SGMS2: variants seen among roughly 807,000 people sequenced by gnomAD.
SGMS2 encodes the protein phosphatidylcholine:ceramide cholinephosphotransferase 2.
Under a neutral mutation model 43.8 loss-of-function variants are expected in SGMS2, and 21 were observed. That is an observed-to-expected ratio of 0.48 (90% CI 0.34 to 0.69). The LOEUF is 0.69. SGMS2 is among the 30% of genes least tolerant of loss of function. The probability of loss-of-function intolerance (pLI) is 0.01; values close to 1 mark genes in which losing one functional copy is unlikely to be tolerated. For missense variants in SGMS2, 384 were observed against 443.2 expected, an observed-to-expected ratio of 0.87 and a Z score of 1.20; for synonymous variants, 167 against 160.6, an observed-to-expected ratio of 1.04 and a Z score of -0.30.
chr4:107,836,793 C>T (rs151001187), intron 1 of SGMS2, among the ~76,000 whole-genome samples: 1,847 of 152,082 alleles, frequency 0.012, 23 homozygotes, highest in Non-Finnish European at 0.02. Context: ...AAATATTTGG[C>T]GGCCGGAACA....
intron 3 of SGMS2, among the ~76,000 whole-genome samples, chr4:107,899,248 G>A (rs2126130516): frequency 6.6e-6 from 1 of 152,292 alleles, no homozygotes; most frequent in South Asian, 2.1e-4. Flanking sequence ...CTGGCAAAGA[G>A]TGCTTTTGAG....
Position 107,911,015 on chromosome 4 carries a change from G to C in SGMS2, c.*462G>C, listed in dbSNP as rs1032743058. The C allele has an allele frequency of 6.3e-6, 1 of 157,862 alleles. No homozygotes were observed. Among genetic ancestry groups the C allele is most frequent in the African/African-American group, 2.4e-5 (1 of 41,438 alleles). The allele number at this position is 157,862 out of a possible 1,614,324, so 9.8% of individuals were successfully genotyped here. A position where few individuals can be genotyped will look rare whatever the true frequency, so the allele number is the denominator to read the frequency against. ...GGTTTTTAGCATTAGGTTTAGCAAGGGGGAGATCCGTGGGTTGTGCGTCAG... is the reference window on the plus strand; with the variant it reads ...GGTTTTTAGCATTAGGTTTAGCAAGCGGGAGATCCGTGGGTTGTGCGTCAG... On this transcript the variant is annotated 3_prime_UTR_variant, in exon 7 of 7. Transcript: ENST00000690982.
At chr4:107,886,914 T>C (rs1428540100) in intron 2 of SGMS2, 1 of 152,202 alleles carries the variant, frequency 6.6e-6, no homozygotes, top group East Asian at 1.9e-4. Flanking sequence ...GCCAATAGTT[T>C]CCAAATTCTT....
In SGMS2 at chr4:107,895,600, A is replaced by C; in HGVS notation, c.47A>C (p.Gln16Pro). 3.1e-6 allele frequency: 5 copies of C among 1,613,994 alleles called. No individual in the cohort carries two copies. Among genetic ancestry groups the C allele is most frequent in the Non-Finnish European group, 4.2e-6 (5 of 1,179,922 alleles). The change falls in exon 3 of 7, where the codon CAA (glutamine) becomes CCA (proline). Residue 16 changes from glutamine to proline, a missense_variant. Gln to Pro is a moderately conservative substitution (Grantham distance 76). Coordinates refer to ENST00000690982, the MANE Select transcript of SGMS2 (RefSeq NM_001375905.1). ...AAACTTGAAGAACATTTGGAAAATC[A>C]ACCCAGTGATCCTACGAACACTTAT... ...TAKLEEHLEN[Q>P]PSDPTNTYAR... is the part of the protein sequence containing the mutation.
intron 4 of SGMS2, 55 bp downstream of exon 4, chr4:107,899,747 C>G: frequency 8.3e-7 from 1 of 1,208,494 alleles, no homozygotes; most frequent in East Asian, 2.3e-5. Context: ...TTATTGATCA[C>G]TTACCCTGTA....
chr4:107,850,585 C>T (rs1052722229), intron 1 of SGMS2, among the ~76,000 whole-genome samples: 7 of 152,130 alleles, frequency 4.6e-5, no homozygotes, highest in African/African-American at 1.7e-4. Context: ...GGTACCTAGC[C>T]CAAGAAGAGA....
chr4:107,853,295 CA>C (rs1727254027), intron 1 of SGMS2, among the ~76,000 whole-genome samples: 1 of 152,156 alleles, frequency 6.6e-6, no homozygotes, highest in Non-Finnish European at 1.5e-5. Context: ...TATTTTAATT[CA>C]GTCTGCATTG....
intron 2 of SGMS2, among the ~76,000 whole-genome samples, chr4:107,873,812 C>T (rs1372846778): frequency 6.6e-6 from 1 of 152,016 alleles, no homozygotes; most frequent in African/African-American, 2.4e-5. Context: ...GATTTTCATC[C>T]AAATACTCAG....
rs751388044 is a variant in SGMS2 at position 107,903,295 on chromosome 4, G to A, written c.636G>A (p.Leu212=). 6.2e-7 allele frequency: 1 copy of A among 1,613,856 alleles called. No individual in the cohort carries two copies. Among genetic ancestry groups the A allele is most frequent in the African/African-American group, 1.3e-5 (1 of 74,896 alleles). ...RILRLISGGG[L]SITGSHILCG... ...TACGATTGATTTCTGGTGGTGGATT[G>A]TCCATAACTGGATCACATATCTTAT... Residue 212 remains leucine, a synonymous_variant, in exon 5 of 7, where the codon TTG becomes TTA. Transcript: ENST00000690982.
intron 1 of SGMS2, among the ~76,000 whole-genome samples, chr4:107,845,153 G>C (rs547651182): frequency 2.6e-5 from 4 of 152,194 alleles, no homozygotes; most frequent in Non-Finnish European, 5.9e-5. Context: ...GAAAGTTATA[G>C]AACTCCCTAG....
intron 1 of SGMS2, among the ~76,000 whole-genome samples, chr4:107,837,292 G>C (rs1053499047): frequency 7.9e-5 from 12 of 152,114 alleles, no homozygotes; most frequent in Non-Finnish European, 1.8e-4. Flanking sequence ...GTTGAGATTT[G>C]GACTAGTTAT....
At chr4:107,875,352 G>A (rs998327367) in intron 2 of SGMS2, among the ~76,000 whole-genome samples, 2 of 152,164 alleles carry the variant, frequency 1.3e-5, no homozygotes, top group African/African-American at 4.8e-5. Flanking sequence ...CATGTCCTGT[G>A]CAGGGACATG....
intron 1 of SGMS2, among the ~76,000 whole-genome samples, chr4:107,852,130 G>A (rs1170151880): frequency 2.0e-5 from 3 of 151,162 alleles, no homozygotes; most frequent in Non-Finnish European, 2.9e-5. Flanking sequence ...TTGCAGTGGC[G>A]CGATCTCGGC....
At chr4:107,866,645 C>A (rs1207456860) in intron 2 of SGMS2, among the ~76,000 whole-genome samples, 1 of 151,524 alleles carries the variant, frequency 6.6e-6, no homozygotes, top group Non-Finnish European at 1.5e-5. Context: ...ACCAATCTCA[C>A]GGTGGTGTTC....
At chr4:107,855,649 G>T (rs979388514) in intron 1 of SGMS2, among the ~76,000 whole-genome samples, 1 of 152,160 alleles carries the variant, frequency 6.6e-6, no homozygotes, top group Non-Finnish European at 1.5e-5. Context: ...TGAGAAGAAT[G>T]TGTATTGTAT....
intron 6 of SGMS2, 149 bp from the exon 7 acceptor site, chr4:107,910,199 TAG>T (rs1731998349): frequency 3.0e-6 from 2 of 675,618 alleles, no homozygotes; most frequent in Non-Finnish European, 5.0e-6. Flanking sequence ...GGAGTCATGG[TAG>T]AGTTAGGGAA....
chr4:107,904,094 G>A (rs998938493), intron 5 of SGMS2, among the ~76,000 whole-genome samples: 3 of 152,102 alleles, frequency 2.0e-5, no homozygotes, highest in African/African-American at 7.2e-5. Flanking sequence ...TACTGTTTTA[G>A]CTGCCCAGTA....
At chr4:107,906,195 T>A (rs1178281813) in intron 5 of SGMS2, among the ~76,000 whole-genome samples, 1 of 152,206 alleles carries the variant, frequency 6.6e-6, no homozygotes, top group African/African-American at 2.4e-5. Context: ...CATTTATATA[T>A]ATATTTTTTT....
chr4:107,825,484 C>T (rs1027655772), intron 1 of SGMS2, among the ~76,000 whole-genome samples: 1 of 152,100 alleles, frequency 6.6e-6, no homozygotes, highest in African/African-American at 2.4e-5. Context: ...TTTCGGGTAC[C>T]CCGGTCCTGG....
Sources: allele counts gnomAD v4.1 joint callset (sites outside exome capture counted in the v4.1 genomes callset), GRCh38; gene constraint gnomAD v4.1.1; transcripts MANE v1.5; gene names NCBI Gene and HGNC (gene_info 2026-07-23, HGNC 2026-07-21).